Variants in SPINK5 observed in about 807,000 individuals in gnomAD.
The protein encoded by SPINK5 is serine peptidase inhibitor Kazal type 5.
In SPINK5, 125 loss-of-function variants were observed where a neutral mutation model predicts 151.8. The ratio of observed to expected loss-of-function variants is 0.82; its 90% CI spans 0.71 to 0.96. The LOEUF (loss-of-function observed/expected upper bound fraction) is 0.96, where lower values mean the gene tolerates loss of function less well. SPINK5 is among the 40% of genes least tolerant of loss of function. The probability of loss-of-function intolerance (pLI) is 0.00; values close to 1 mark genes in which losing one functional copy is unlikely to be tolerated. For missense variants in SPINK5, 1,194 were observed against 1,291.9 expected (o/e 0.92, Z 1.16); for synonymous variants, 374 against 395.3 (o/e 0.95, Z 0.64).
chr5:148,120,343 C>A lies in SPINK5; in HGVS notation c.2490C>A (p.Ser830Arg). ...EKKKKEDEDRSNTGERSNTGE... is the reference protein window; with the variant it reads ...EKKKKEDEDRRNTGERSNTGE... ...AAAAGAAAGAGGATGAAGACAGGAGCAATACAGGAGAAAGGAGCAATACAG... is the reference window on the plus strand; with the variant it reads ...AAAAGAAAGAGGATGAAGACAGGAGAAATACAGGAGAAAGGAGCAATACAG... The change falls in exon 26 of 33, where the codon AGC (serine) becomes AGA (arginine). Residue 830 changes from serine to arginine, a missense_variant. Ser to Arg is a moderately radical substitution (Grantham distance 110). Coordinates refer to ENST00000256084, the MANE Select transcript of SPINK5 (RefSeq NM_006846.4). 4 of 1,601,352 alleles carry A rather than the reference C, an allele frequency of 2.5e-6. No individual in the cohort carries two copies. The highest frequency in any genetic ancestry group is 3.4e-6 in the Non-Finnish European group (4 of 1,172,340).
chr5:148,116,291 C>G (rs1327905351), intron 21 of SPINK5, 79 bp from the exon 22 acceptor site: 2 of 1,404,322 alleles, frequency 1.4e-6, no homozygotes, highest in Admixed American at 1.7e-5. Flanking sequence ...GTGATTTGTT[C>G]ATATAATGAG....
At chr5:148,075,536 G>C (rs541714901) in intron 4 of SPINK5, among the ~76,000 whole-genome samples, 9 of 151,592 alleles carry the variant, frequency 5.9e-5, no homozygotes, top group Non-Finnish European at 1.3e-4. Flanking sequence ...ATTCTTATCT[G>C]GCTTGGGAAT....
intron 28 of SPINK5, chr5:148,125,405 T>C: frequency 4.6e-6 from 4 of 867,778 alleles, no homozygotes; most frequent in South Asian, 2.9e-5. Context: ...CCCTGAGCAA[T>C]TGTCCTTTTG....
chr5:148,102,290 G>A (rs1753667905), intron 15 of SPINK5, among the ~76,000 whole-genome samples: 1 of 151,998 alleles, frequency 6.6e-6, no homozygotes, highest in Admixed American at 6.6e-5. Flanking sequence ...TAAGCAGGAG[G>A]AATAAGTTTA....
chr5:148,137,360 T>C lies in SPINK5; in HGVS notation c.*369T>C. ...TAAAGAAACTGAATAAACTCTACCC[T>C]TTTGTCTTTTTGTGTTGCTAAACCC... is the stretch of plus-strand genomic sequence containing the variant. On this transcript the variant is annotated 3_prime_UTR_variant, in exon 33 of 33. Coordinates refer to ENST00000256084, the MANE Select transcript of SPINK5 (RefSeq NM_006846.4). 1 of 270,332 alleles carries C rather than the reference T, an allele frequency of 3.7e-6. No homozygotes were observed. The allele number at this position is 270,332 out of a possible 1,614,324, so 16.7% of individuals were successfully genotyped here.
In SPINK5 at chr5:148,137,136, C is replaced by G. The variant is rs1754715681; in HGVS notation, c.*145C>G. ...TACAGAGCTTTTGGGAATGGACTCA[C>G]TGATTTTCAGTCTTTTCCATCTCTT... On this transcript the variant is annotated 3_prime_UTR_variant, in exon 33 of 33. Coordinates refer to ENST00000256084, the MANE Select transcript of SPINK5 (RefSeq NM_006846.4). 2 of 1,072,020 alleles carry G rather than the reference C, an allele frequency of 1.9e-6. No individual in the cohort carries two copies. Among genetic ancestry groups the G allele is most frequent in the Non-Finnish European group, 2.9e-6 (2 of 701,358 alleles). 66.4% of individuals were successfully genotyped at this position (1,072,020 alleles called of 1,614,324 possible).
At chr5:148,085,070 TAAATGAAC>T (rs1753117410) in intron 4 of SPINK5, among the ~76,000 whole-genome samples, 1 of 151,878 alleles carries the variant, frequency 6.6e-6, no homozygotes. Flanking sequence ...TTTTGTGGAA[TAAATGAAC>T]AAATGAATGA....
rs767707072 is a variant in SPINK5 at position 148,123,974 on chromosome 5, T to C, written c.2666+14T>C. ...TCAGAGCATCTTGTACGTAAAAAGG[T>C]TTATCAATAAATTTGATAGTTGTGC... On this transcript the variant is annotated intron_variant, in intron 27 of 32. Coordinates refer to ENST00000256084, the MANE Select transcript of SPINK5 (RefSeq NM_006846.4). 1.1e-5 allele frequency: 18 copies of C among 1,613,420 alleles called. No homozygotes were observed. The highest frequency in any genetic ancestry group is 1.4e-5 in the Non-Finnish European group (17 of 1,179,806).
At chr5:148,127,535 G>A (rs972834189) in intron 30 of SPINK5, among the ~76,000 whole-genome samples, 3 of 152,004 alleles carry the variant, frequency 2.0e-5, no homozygotes, top group Admixed American at 6.6e-5. Flanking sequence ...TTAGCAATTC[G>A]CAGTAGCTAA....
intron 7 of SPINK5, among the ~76,000 whole-genome samples, 158 bp downstream of exon 7, chr5:148,089,779 T>A (rs1278777545): frequency 6.6e-6 from 1 of 151,936 alleles, no homozygotes; most frequent in Admixed American, 6.6e-5. Context: ...TCTTTTCTTT[T>A]TCTTCTTATC....
intron 6 of SPINK5, 99 bp downstream of exon 6, chr5:148,088,704 G>A (rs1015145246): frequency 1.5e-5 from 18 of 1,217,478 alleles, no homozygotes; most frequent in Non-Finnish European, 2.0e-5. Context: ...GCCTTGGAAG[G>A]AATTAATTCT....
rs41291431 is a variant in SPINK5, at chr5:148,107,211, C to T, written c.1607+47C>T. On this transcript the variant is annotated intron_variant, in intron 17 of 32. Transcript: ENST00000256084. ...CCCACTGAATTTCTTCATCCATGAT[C>T]GCCCCTGAGTCTCAGATCCTTCATG... 0.19 allele frequency: 307,114 copies of T among 1,599,332 alleles called. 31,054 individuals are homozygous for T. The highest frequency in any genetic ancestry group is 0.22 in the Middle Eastern group (1,338 of 5,978).
chr5:148,119,712 C>T (rs567956521), intron 24 of SPINK5, among the ~76,000 whole-genome samples: 16 of 152,336 alleles, frequency 1.1e-4, no homozygotes, highest in South Asian at 2.1e-4. Flanking sequence ...GAGTAAGAAC[C>T]TTTGTGATTA....
chr5:148,068,320 C>A (rs1157385086), intron 2 of SPINK5, among the ~76,000 whole-genome samples: 1 of 152,010 alleles, frequency 6.6e-6, no homozygotes, highest in East Asian at 1.9e-4. Context: ...CACCATTAAT[C>A]ATTTTGCAAG....
At chr5:148,124,425 A>G (rs1308303938) in intron 27 of SPINK5, among the ~76,000 whole-genome samples, 1 of 152,254 alleles carries the variant, frequency 6.6e-6, no homozygotes, top group Non-Finnish European at 1.5e-5. Context: ...TTATAATTTA[A>G]TTGGAAAAGT....
At chr5:148,064,582 A>C (rs1434048139) in intron 1 of SPINK5, among the ~76,000 whole-genome samples, 1 of 152,192 alleles carries the variant, frequency 6.6e-6, no homozygotes, top group Non-Finnish European at 1.5e-5. Flanking sequence ...CAAATGCTAA[A>C]TGGGTTGAAA....
At chr5:148,089,250 CTCTG>C (rs1405624712) in intron 6 of SPINK5, 7 of 570,796 alleles carry the variant, frequency 1.2e-5, no homozygotes, top group African/African-American at 9.3e-5. Context: ...AAGGACTGTG[CTCTG>C]TCTGAGTTCT....
chr5:148,125,529 G>C (rs1406177978), intron 28 of SPINK5, 194 bp from the exon 29 acceptor site: 1 of 1,613,736 alleles, frequency 6.2e-7, no homozygotes, highest in Non-Finnish European at 8.5e-7. Flanking sequence ...TTCAGGACCA[G>C]TGCAGACAGG....
At chr5:148,077,411 T>A (rs1008200260) in intron 4 of SPINK5, among the ~76,000 whole-genome samples, 2 of 150,984 alleles carry the variant, frequency 1.3e-5, no homozygotes, top group African/African-American at 4.8e-5. Context: ...ATAAAGATAT[T>A]ACTGTACTAA....
Sources: allele counts gnomAD v4.1 joint callset (sites outside exome capture counted in the v4.1 genomes callset), GRCh38; gene constraint gnomAD v4.1.1; transcripts MANE v1.5; gene names NCBI Gene and HGNC (gene_info 2026-07-23, HGNC 2026-07-21).